Variants in SLC15A3 observed in about 807,000 individuals in gnomAD.
The protein encoded by SLC15A3 is solute carrier family 15 member 3, also known as osteoclast transporter.
A neutral mutation model predicts 49.2 loss-of-function variants in SLC15A3; 39 were observed. The observed-to-expected ratio is 0.79, with a 90% CI of 0.61 to 1.04. The LOEUF (loss-of-function observed/expected upper bound fraction) is 1.04, where lower values mean the gene tolerates loss of function less well. Ranked by LOEUF, SLC15A3 falls within the 50% of genes least tolerant of loss-of-function variation. The pLI is 0.00. For missense variants in SLC15A3, 758 were observed against 794.8 expected (o/e 0.95, Z 0.56); for synonymous variants, 339 against 367.0 (o/e 0.92, Z 0.87).
Position 60,941,894 on chromosome 11 carries a change from C to T in SLC15A3, c.1107+141G>A, listed in dbSNP as rs1010664578. On this transcript the variant is annotated intron_variant, in intron 4 of 7. Transcript: ENST00000227880. ...CTGCGCTGTGACACAAGTCCTCCCA[C>T]CCTCCAGGTGCTTTTCCTGTATCCT... 30 of 796,768 alleles carry T rather than the reference C, an allele frequency of 3.8e-5. No individual in the cohort carries two copies. In the African/African-American group the frequency reaches 5.2e-4, roughly 14 times the overall value. 49.4% of individuals were successfully genotyped at this position (796,768 alleles called of 1,614,324 possible).
chr11:60,939,852 A>G lies in SLC15A3; in HGVS notation c.1277-214T>C, dbSNP rs117844204. 2,517 of 576,594 alleles carry G rather than the reference A, an allele frequency of 4.4e-3. 16 individuals carry two copies. Among genetic ancestry groups the G allele is most frequent in the Admixed American group, 6.3e-3 (196 of 31,072 alleles). 35.7% of individuals were successfully genotyped at this position (576,594 alleles called of 1,614,324 possible). On this transcript the variant is annotated intron_variant, in intron 5 of 7. Coordinates refer to ENST00000227880, the MANE Select transcript of SLC15A3 (RefSeq NM_016582.3). ...CTTGGCTGCTAGAAGCTCCAAGCTG[A>G]GTTTTGCACTCAATAACACTAACAA...
rs751809424 is a variant in SLC15A3 at position 60,951,090 on chromosome 11, G to A, written c.462C>T (p.Ser154=). Residue 154 remains serine (S), a synonymous_variant, in exon 1 of 8, where the codon AGC becomes AGT. Transcript: ENST00000227880. ...PSAGCPRSSP[S]PYCAPVLYAG... ...CGTAGAGGACGGGCGCGCAGTAGGG[G>A]CTGGGCGAGGAGCGCGGGCAGCCGG... The A allele has an allele frequency of 6.8e-7, 1 of 1,480,832 alleles. No homozygotes were observed. Among genetic ancestry groups the A allele is most frequent in the South Asian group, 1.3e-5 (1 of 76,762 alleles). The allele number at this position is 1,480,832 out of a possible 1,614,324, so 91.7% of individuals were successfully genotyped here. A position where few individuals can be genotyped will look rare whatever the true frequency, so the allele number is the denominator to read the frequency against.
rs1351837062 is a variant in SLC15A3 at position 60,951,049 on chromosome 11, A to G, written c.503T>C (p.Leu168Pro). 6.7e-7 allele frequency: 1 copy of G among 1,496,780 alleles called. No homozygotes were observed. The highest frequency in any genetic ancestry group is 8.8e-7 in the Non-Finnish European group (1 of 1,131,188). The allele number at this position is 1,496,780 out of a possible 1,614,324, so 92.7% of individuals were successfully genotyped here. The change falls in exon 1 of 8, where the codon CTC becomes CCC. Residue 168 changes from leucine (L) to proline (P), a missense_variant. This residue lies in a region of SLC15A3 where 699 missense variants were observed against 706.7 expected (regional missense o/e 0.99). Coordinates refer to ENST00000227880, the MANE Select transcript of SLC15A3 (RefSeq NM_016582.3). Reference protein sequence around the residue: ...APVLYAGLLLLGLAASSVRSN... With the variant: ...APVLYAGLLLPGLAASSVRSN... ...CCGGACGGAGCTGGCGGCCAGGCCG[A>G]GTAGCAGCAGGCCCGCGTAGAGGAC...
At position 60,943,820 on chromosome 11, in the gene SLC15A3, G is replaced by A. The variant is rs769473976; in HGVS notation, c.865C>T (p.Arg289Cys). ...GGAGACCTCTCGTCGGCCAGCACGC[G>A]GGCACATTGACGGTCTCTGTGAGAC... ...RHSARDRQCA[R>C]VLADERSPQP... is the part of the protein sequence containing the mutation. The change falls in exon 3 of 8, where the codon CGC becomes TGC. Residue 289 changes from arginine (R) to cysteine (C), a missense_variant. Coordinates refer to ENST00000227880, the MANE Select transcript of SLC15A3 (RefSeq NM_016582.3). 31 of 1,593,012 alleles carry A rather than the reference G, an allele frequency of 1.9e-5. No individual in the cohort carries two copies. The highest frequency in any genetic ancestry group is 4.0e-5 in the African/African-American group (3 of 74,082).
chr11:60,952,100 A>C lies in SLC15A3; in HGVS notation c.-549T>G. On this transcript the variant is annotated 5_prime_UTR_variant, in exon 1 of 8. Transcript: ENST00000227880. ...CCTGTCCCCCTCACCCCCACTGCCT[A>C]CACTCCCCTCTCAGTCCCCTGCAGC... 7.0e-6 allele frequency among the ~76,000 whole-genome samples: 1 copy of C among 142,294 alleles called. No individual in the cohort carries two copies. Among genetic ancestry groups the C allele is most frequent in the Non-Finnish European group, 1.5e-5 (1 of 65,108 alleles). The allele number at this position is 142,294 out of a possible 152,430, so 93.4% of individuals were successfully genotyped here. A position where few individuals can be genotyped will look rare whatever the true frequency, so the allele number is the denominator to read the frequency against.
Position 60,937,247 on chromosome 11 carries a change from T to C in SLC15A3, c.1718A>G (p.His573Arg). 1 of 1,613,866 alleles carries C rather than the reference T, an allele frequency of 6.2e-7. No individual in the cohort carries two copies. The highest frequency in any genetic ancestry group is 8.5e-7 in the Non-Finnish European group (1 of 1,179,936). The change falls in exon 8 of 8, where the codon CAC becomes CGC. Residue 573 changes from histidine (H) to arginine (R), a missense_variant. Transcript: ENST00000227880. ...YERASQGPAS[H>R]SRFSRDRG Reference sequence around the variant, plus strand: ...GCCCCTGTCCCTGCTGAAACGGCTGTGGGAGGCTGGGCCCTGGGACGCCCT... The same window carrying C: ...GCCCCTGTCCCTGCTGAAACGGCTGCGGGAGGCTGGGCCCTGGGACGCCCT...
intron 2 of SLC15A3, 55 bp downstream of exon 2, chr11:60,946,477 C>A: frequency 4.7e-6 from 7 of 1,504,132 alleles, no homozygotes; most frequent in Non-Finnish European, 5.3e-6. Context: ...TCCCCGGGAG[C>A]GATCCAGCGC....
At chr11:60,941,887 C>T in intron 4 of SLC15A3, 148 bp downstream of exon 4, 1 of 750,540 alleles carries the variant, frequency 1.3e-6, no homozygotes, top group Non-Finnish European at 2.3e-6. Flanking sequence ...TGACACAAGT[C>T]CTCCCACCCT....
intron 6 of SLC15A3, 90 bp from the exon 7 acceptor site, chr11:60,938,115 C>A: frequency 6.9e-7 from 1 of 1,442,136 alleles, no homozygotes; most frequent in Non-Finnish European, 9.3e-7. Flanking sequence ...GACCCTGCCC[C>A]CACCAAGCCA....
chr11:60,944,412 CG>C (rs1208470566), intron 2 of SLC15A3, among the ~76,000 whole-genome samples: 2 of 152,152 alleles, frequency 1.3e-5, no homozygotes, highest in Non-Finnish European at 2.9e-5. Flanking sequence ...GTCCTCTCCA[CG>C]GGGTTTCCAT....
chr11:60,951,412 G>A lies in SLC15A3; in HGVS notation c.140C>T (p.Ala47Val). 5 of 1,528,982 alleles carry A rather than the reference G, an allele frequency of 3.3e-6. No homozygotes were observed. The highest frequency in any genetic ancestry group is 4.4e-6 in the Non-Finnish European group (5 of 1,143,248). 94.7% of individuals were successfully genotyped at this position (1,528,982 alleles called of 1,614,324 possible). A position where few individuals can be genotyped will look rare whatever the true frequency, so the allele number is the denominator to read the frequency against. Residue 47 changes from alanine to valine, a missense_variant, in exon 1 of 8, where the codon GCC becomes GTC. Around this residue, in one of 3 missense-constraint regions of SLC15A3, gnomAD observed 31 missense variants for 58.4 expected, o/e 0.53. Transcript: ENST00000227880. ...GTTGGCGGTGACGCCGAAGAAGGCG[G>A]CGCGCTCCAGCATCTCCACCAGCAG... ...AVLLVEMLER[A>V]AFFGVTANLV...
rs759464738 is a variant in SLC15A3, at chr11:60,942,120, C to T, written c.1022G>A (p.Gly341Asp). 6.2e-7 allele frequency: 1 copy of T among 1,614,066 alleles called. No homozygotes were observed. The highest frequency in any genetic ancestry group is 8.5e-7 in the Non-Finnish European group (1 of 1,179,970). Residue 341 changes from glycine (G) to aspartate (D), a missense_variant, in exon 4 of 8, where the codon GGT (glycine) becomes GAT (aspartate). Physicochemically the swap from Gly to Asp is moderately conservative, Grantham distance 94 (BLOSUM62 -1). Transcript: ENST00000227880. ...AATGTTTGGGATGTGGAGGTGAAGA[C>T]CCTGCAGGACATAGGTGGACTGCAT... is the stretch of plus-strand genomic sequence containing the variant. ...FQMQSTYVLQ[G>D]LHLHIPNIFP...
rs1337503101 is a variant in SLC15A3, at chr11:60,941,258, A to C, written c.1140T>G (p.Val380=). The C allele has an allele frequency of 1.2e-6, 2 of 1,614,064 alleles. No homozygotes were observed. The highest frequency in any genetic ancestry group is 2.2e-5 in the East Asian group (1 of 44,884). The part of the protein sequence containing the change: ...IPEAWLLLAN[V]VVVLILVPLK... The stretch of plus-strand genomic sequence containing the variant: ...GAGGGACCAGAATCAGCACCACCAC[A>C]ACATTGGCCAGGAGGAGCCAGGCTT... The change falls in exon 5 of 8, where the codon GTT becomes GTG. Residue 380 remains valine (V), a synonymous_variant. Transcript: ENST00000227880.
Position 60,951,136 on chromosome 11 carries a change from A to G in SLC15A3, c.416T>C (p.Leu139Pro), listed in dbSNP as rs1856911861. 1 of 1,486,740 alleles carries G rather than the reference A, an allele frequency of 6.7e-7. No individual in the cohort carries two copies. The highest frequency in any genetic ancestry group is 8.9e-7 in the Non-Finnish European group (1 of 1,127,508). 92.1% of individuals were successfully genotyped at this position (1,486,740 alleles called of 1,614,324 possible). A position where few individuals can be genotyped will look rare whatever the true frequency, so the allele number is the denominator to read the frequency against. Residue 139 changes from leucine to proline, a missense_variant, in exon 1 of 8, where the codon CTG becomes CCG. This residue lies in a region of SLC15A3 where 699 missense variants were observed against 706.7 expected (regional missense o/e 0.99). Transcript: ENST00000227880. ...SFCGEMPASP[L>P]GPACPSAGCP... The stretch of plus-strand genomic sequence containing the variant: ...GCCGGCCGAGGGGCAGGCAGGTCCC[A>G]GCGGCGACGCGGGCATCTCTCCGCA...
intron 1 of SLC15A3, among the ~76,000 whole-genome samples, chr11:60,947,151 CTTTG>C (rs1292752791): frequency 1.3e-5 from 2 of 151,568 alleles, no homozygotes; most frequent in Non-Finnish European, 2.9e-5. Context: ...TGATTTATCC[CTTTG>C]TTTTTCACTG....
chr11:60,950,099 G>A (rs1483293789), intron 1 of SLC15A3, among the ~76,000 whole-genome samples: 5 of 152,354 alleles, frequency 3.3e-5, no homozygotes, highest in African/African-American at 1.2e-4. Flanking sequence ...AAGGCTCAGA[G>A]GTTGAGCTAA....
intron 6 of SLC15A3, chr11:60,938,230 C>T (rs986019151): frequency 1.7e-6 from 1 of 599,124 alleles, no homozygotes; most frequent in Non-Finnish European, 2.8e-6. Context: ...CCTGGCTGAA[C>T]CCCTGCACCG....
chr11:60,946,486 G>A (rs577341212), intron 2 of SLC15A3, 46 bp downstream of exon 2: 80 of 1,514,076 alleles, frequency 5.3e-5, no homozygotes, highest in Non-Finnish European at 5.9e-5. Flanking sequence ...GCGATCCAGC[G>A]CTTCTCCAGG....
At chr11:60,940,907 C>A (rs1433492459) in intron 5 of SLC15A3, 11 of 439,268 alleles carry the variant, frequency 2.5e-5, no homozygotes, top group Non-Finnish European at 1.6e-5. Flanking sequence ...AATATTTGTT[C>A]CTCTCTCGGC....
Sources: gnomAD v4.1 joint callset for allele counts (sites outside exome capture counted in the v4.1 genomes callset) on GRCh38, gnomAD v4.1.1 for gene constraint, gnomAD v4.1.1 regional missense constraint, MANE v1.5 for transcripts, NCBI Gene and HGNC (gene_info 2026-07-23, HGNC 2026-07-21) for gene names.